TRIP12: variants seen among roughly 807,000 people sequenced by gnomAD.
TRIP12 encodes the protein E3 ubiquitin-protein ligase TRIP12.
A neutral mutation model predicts 244.2 loss-of-function variants in TRIP12; 25 were observed. The observed-to-expected ratio is 0.10, with a 90% CI of 0.07 to 0.14. The LOEUF (loss-of-function observed/expected upper bound fraction) is 0.14, where lower values mean the gene tolerates loss of function less well. TRIP12 is among the 10% of genes least tolerant of loss of function. The probability of loss-of-function intolerance (pLI) is 1.00; values close to 1 mark genes in which losing one functional copy is unlikely to be tolerated. For missense variants in TRIP12, 1,677 were observed against 2,486.4 expected (o/e 0.67, Z 6.92); for synonymous variants, 905 against 873.1 (o/e 1.04, Z -0.64).
At chr2:229,863,640 C>A (rs936117084) in intron 2 of TRIP12, among the ~76,000 whole-genome samples, 1 of 152,136 alleles carries the variant, frequency 6.6e-6, no homozygotes, top group East Asian at 1.9e-4. Flanking sequence ...TGGGGCCTCC[C>A]AAAATGGAGC....
chr2:229,789,817 G>C (rs2040977220), intron 30 of TRIP12, 55 bp from the exon 31 acceptor site: 1 of 1,588,618 alleles, frequency 6.3e-7, no homozygotes, highest in Non-Finnish European at 8.6e-7. Context: ...GGCTAAGCCA[G>C]TGCAGCCAAG....
At chr2:229,875,271 T>A (rs905697213) in intron 2 of TRIP12, among the ~76,000 whole-genome samples, 5 of 152,196 alleles carry the variant, frequency 3.3e-5, no homozygotes, top group African/African-American at 4.8e-5. Context: ...TACTTTCATT[T>A]ATCTTAAGAA....
At chr2:229,784,018 G>A (rs927911135) in intron 34 of TRIP12, among the ~76,000 whole-genome samples, 5 of 151,140 alleles carry the variant, frequency 3.3e-5, no homozygotes. Flanking sequence ...GCTGAGGCAG[G>A]AGAATCACTT....
chr2:229,769,762 G>A (rs989437425), intron 39 of TRIP12, among the ~76,000 whole-genome samples: 18 of 152,300 alleles, frequency 1.2e-4, no homozygotes, highest in Middle Eastern at 3.4e-3. Flanking sequence ...AGAAGTGGGA[G>A]AAGCAAGCTG....
Position 229,788,953 on chromosome 2 carries a change from TAA to T in TRIP12, c.4696-15_4696-14del, listed in dbSNP as rs377250685. ...TGCACATTGCATTCTGTAAAATGTT[TAA>T]AAAAAAAAAAGTCTACATGTAGTAA... On this transcript the variant is annotated splice_polypyrimidine_tract_variant and intron_variant, in intron 31 of 41. Transcript: ENST00000675903. 78 of 1,221,126 alleles carry T rather than the reference TAA, an allele frequency of 6.4e-5. No individual in the cohort carries two copies. The highest frequency in any genetic ancestry group is 1.7e-4 in the Admixed American group (7 of 41,672). 75.6% of individuals were successfully genotyped at this position (1,221,126 alleles called of 1,614,324 possible). A position where few individuals can be genotyped will look rare whatever the true frequency, so the allele number is the denominator to read the frequency against.
At chr2:229,822,114 TGAGCGACAAGAGC>T (rs1346875346) in intron 8 of TRIP12, among the ~76,000 whole-genome samples, 1 of 152,180 alleles carries the variant, frequency 6.6e-6, no homozygotes, top group Non-Finnish European at 1.5e-5. Flanking sequence ...CACTCCAGCA[TGAGCGACAAGAGC>T]GAGACTCCGT....
intron 40 of TRIP12, 37 bp downstream of exon 40, chr2:229,769,194 A>G (rs1293918639): frequency 3.2e-6 from 5 of 1,581,890 alleles, no homozygotes; most frequent in Non-Finnish European, 4.3e-6. Context: ...CACATTCTTC[A>G]GAATCAACAG....
chr2:229,881,779 C>T (rs1410418814), intron 1 of TRIP12, among the ~76,000 whole-genome samples: 3 of 152,048 alleles, frequency 2.0e-5, no homozygotes, highest in Admixed American at 2.0e-4. Context: ...TGTATGTATA[C>T]CAAGAAGACT....
intron 7 of TRIP12, among the ~76,000 whole-genome samples, chr2:229,829,942 C>T (rs1016667123): frequency 1.3e-5 from 2 of 152,144 alleles, no homozygotes; most frequent in Admixed American, 6.5e-5. Context: ...GAGTGAGATT[C>T]GGTCTCAAAA....
chr2:229,904,898 T>C (rs1331895487), intron 1 of TRIP12, among the ~76,000 whole-genome samples: 1 of 152,188 alleles, frequency 6.6e-6, no homozygotes, highest in Non-Finnish European at 1.5e-5. Flanking sequence ...TGTTAAAATT[T>C]TCACAAACAG....
chr2:229,905,691 G>A (rs1425435259), intron 1 of TRIP12, among the ~76,000 whole-genome samples: 2 of 152,124 alleles, frequency 1.3e-5, no homozygotes, highest in African/African-American at 4.8e-5. Context: ...TGAACTTAAG[G>A]TACACAAGTC....
At chr2:229,811,608 C>A (rs1473017877) in intron 13 of TRIP12, among the ~76,000 whole-genome samples, 1 of 152,102 alleles carries the variant, frequency 6.6e-6, no homozygotes, top group Non-Finnish European at 1.5e-5. Context: ...GTTGCGAGAA[C>A]CAGAGGTTTC....
chr2:229,784,864 C>G (rs2039495067), intron 34 of TRIP12, among the ~76,000 whole-genome samples: 1 of 152,144 alleles, frequency 6.6e-6, no homozygotes, highest in South Asian at 2.1e-4. Flanking sequence ...AGTTTTGTAT[C>G]TCTAACAAAA....
intron 8 of TRIP12, among the ~76,000 whole-genome samples, chr2:229,827,279 C>CAAAAAAAAAAAAA (rs944363768): frequency 8.2e-6 from 1 of 122,298 alleles, no homozygotes; most frequent in South Asian, 2.5e-4. Context: ...AACTCCGTCT[C>CAAAAAAAAAAAAA]AAAAAAAAAA....
intron 1 of TRIP12, among the ~76,000 whole-genome samples, chr2:229,893,407 A>T (rs2067889427): frequency 6.6e-6 from 1 of 152,214 alleles, no homozygotes; most frequent in South Asian, 2.1e-4. Flanking sequence ...ACCAGGATAT[A>T]CAGTCTATCA....
intron 1 of TRIP12, among the ~76,000 whole-genome samples, chr2:229,906,012 A>G (rs1293016666): frequency 6.6e-6 from 1 of 152,204 alleles, no homozygotes. Flanking sequence ...CACATAAAGA[A>G]ACATGTTCAT....
intron 15 of TRIP12, among the ~76,000 whole-genome samples, 178 bp downstream of exon 15, chr2:229,810,702 T>A (rs1199201658): frequency 6.6e-6 from 1 of 152,234 alleles, no homozygotes; most frequent in Non-Finnish European, 1.5e-5. Flanking sequence ...AAAAGGAGTA[T>A]GTTAGAAACA....
intron 15 of TRIP12, among the ~76,000 whole-genome samples, chr2:229,810,444 T>C (rs760231762): frequency 2.0e-5 from 3 of 152,186 alleles, no homozygotes; most frequent in Non-Finnish European, 4.4e-5. Context: ...ATCAGAGACA[T>C]TCATCAGTAT....
At chr2:229,894,962 T>C (rs866374196) in intron 1 of TRIP12, among the ~76,000 whole-genome samples, 7 of 152,314 alleles carry the variant, frequency 4.6e-5, no homozygotes, top group Middle Eastern at 3.4e-3. Flanking sequence ...AAGGCACCTT[T>C]AGGCCTCGGA....
Sources: allele counts gnomAD v4.1 joint callset (sites outside exome capture counted in the v4.1 genomes callset), GRCh38; gene constraint gnomAD v4.1.1; transcripts MANE v1.5; gene names NCBI Gene and HGNC (gene_info 2026-07-23, HGNC 2026-07-21).